Variants in ROR2 observed in about 807,000 individuals in gnomAD.
ROR2 encodes tyrosine-protein kinase transmembrane receptor ROR2.
A neutral mutation model predicts 74.9 loss-of-function variants in ROR2; 33 were observed. The observed-to-expected ratio is 0.44, with a 90% CI of 0.33 to 0.59. The LOEUF is 0.59. ROR2 is among the 20% of genes least tolerant of loss of function. The probability of loss-of-function intolerance (pLI) is 0.02; values close to 1 mark genes in which losing one functional copy is unlikely to be tolerated. For missense variants in ROR2, 1,216 were observed against 1,313.8 expected, an observed-to-expected ratio of 0.93 and a Z score of 1.15; for synonymous variants, 586 against 558.7, an observed-to-expected ratio of 1.05 and a Z score of -0.69.
At chr9:91,904,428 G>A (rs532992987) in intron 1 of ROR2, among the ~76,000 whole-genome samples, 67 of 152,318 alleles carry the variant, frequency 4.4e-4, no homozygotes, top group African/African-American at 1.6e-3. Flanking sequence ...AGTCCATAAA[G>A]GGCTGGAAGG....
At chr9:91,769,992 C>T (rs1431286210) in intron 2 of ROR2, among the ~76,000 whole-genome samples, 1 of 152,206 alleles carries the variant, frequency 6.6e-6, no homozygotes. Flanking sequence ...CGTGCCCATC[C>T]GAGTACCGCC....
rs76145413 is a variant in ROR2, at chr9:91,911,861, C to T, written c.97+38006G>A. Among the ~76,000 whole-genome samples the T allele has an allele frequency of 9.3e-4, 136 of 146,812 alleles. 1 individual carries two copies. The highest frequency in any genetic ancestry group is 3.2e-3 in the African/African-American group (125 of 39,578). ...TCCCCAGAAAAGGAACAGAGAAATT[C>T]ACGTGCTTCCTGCTACAACACAACA... On this transcript the variant is annotated intron_variant, in intron 1 of 8. Transcript: ENST00000375708.
Position 91,823,681 on chromosome 9 carries a change from A to G in ROR2, c.98-47863T>C, listed in dbSNP as rs73651561. On this transcript the variant is annotated intron_variant, in intron 1 of 8. Coordinates refer to ENST00000375708, the MANE Select transcript of ROR2 (RefSeq NM_004560.4). ...ATCAACAACCGCTGAATCTGGGTGG[A>G]GAGTTTATGTGTGTGTTTGCAGTAT... Among the ~76,000 whole-genome samples the G allele has an allele frequency of 4.4e-3, 672 of 152,344 alleles. 4 individuals are homozygous for G. The highest frequency in any genetic ancestry group is 0.015 in the African/African-American group (615 of 41,578).
intron 1 of ROR2, among the ~76,000 whole-genome samples, chr9:91,780,373 T>A (rs984785273): frequency 5.3e-5 from 6 of 113,232 alleles, no homozygotes; most frequent in Non-Finnish European, 8.3e-5. Flanking sequence ...CAAGACTCCG[T>A]CTAAAAAAAA....
intron 1 of ROR2, among the ~76,000 whole-genome samples, chr9:91,829,469 G>T (rs1478525522): frequency 3.5e-5 from 5 of 143,344 alleles, no homozygotes. Flanking sequence ...AGAATCACTT[G>T]AACCCAGAAG....
rs553112552 is a variant in ROR2, at chr9:91,749,684, A to T, written c.494+6387T>A. ...AGCCTATAAGCAGACCCCCATCTAT[A>T]GAAATTTCACACAGGACAGGGGTGA... On this transcript the variant is annotated intron_variant, in intron 4 of 8. Coordinates refer to ENST00000375708, the MANE Select transcript of ROR2 (RefSeq NM_004560.4). Among the ~76,000 whole-genome samples, 7 of 152,336 alleles carry T rather than the reference A, an allele frequency of 4.6e-5. No homozygotes were observed. The East Asian group carries it at 1.3e-3, about 29-fold the overall frequency.
intron 4 of ROR2, among the ~76,000 whole-genome samples, chr9:91,741,181 T>C (rs1001558530): frequency 2.6e-5 from 4 of 151,822 alleles, no homozygotes; most frequent in Non-Finnish European, 5.9e-5. Flanking sequence ...ACACCTGTAG[T>C]CCCAGCTACT....
intron 2 of ROR2, among the ~76,000 whole-genome samples, chr9:91,766,573 G>A (rs916083095): frequency 6.6e-6 from 1 of 152,210 alleles, no homozygotes; most frequent in African/African-American, 2.4e-5. Context: ...AAGCTCTCTA[G>A]AGATTAAGCA....
chr9:91,795,978 C>A (rs1037666480), intron 1 of ROR2, among the ~76,000 whole-genome samples: 2 of 151,984 alleles, frequency 1.3e-5, no homozygotes, highest in African/African-American at 4.8e-5. Context: ...GAAGATGAGA[C>A]CATGAAAAGA....
intron 1 of ROR2, among the ~76,000 whole-genome samples, chr9:91,840,530 T>C (rs920392526): frequency 1.3e-5 from 2 of 152,228 alleles, no homozygotes; most frequent in African/African-American, 4.8e-5. Context: ...CTCCCCTCTT[T>C]CAGGCCTGGG....
intron 1 of ROR2, among the ~76,000 whole-genome samples, chr9:91,809,167 A>T (rs10992118): frequency 0.21 from 32,309 of 152,036 alleles, 7,017 homozygotes; most frequent in African/African-American, 0.53. Flanking sequence ...GTCCCCAAAT[A>T]GTCTACAATG....
chr9:91,769,536 C>T (rs968718607), intron 2 of ROR2, among the ~76,000 whole-genome samples: 4 of 152,250 alleles, frequency 2.6e-5, no homozygotes, highest in South Asian at 2.1e-4. Flanking sequence ...GAATGAAACC[C>T]GAGTCTGACC....
intron 1 of ROR2, among the ~76,000 whole-genome samples, chr9:91,919,188 G>C (rs1039422824): frequency 1.3e-5 from 2 of 152,156 alleles, no homozygotes; most frequent in Non-Finnish European, 2.9e-5. Flanking sequence ...GCTTTTAAAT[G>C]GGCACTTAAT....
intron 1 of ROR2, among the ~76,000 whole-genome samples, chr9:91,810,664 C>G (rs1827720820): frequency 6.6e-6 from 1 of 152,208 alleles, no homozygotes; most frequent in South Asian, 2.1e-4. Context: ...TCGGCAGAGG[C>G]TGCATGCTCA....
Position 91,784,512 on chromosome 9 carries a change from G to A in ROR2, c.98-8694C>T, listed in dbSNP as rs10992103. Among the ~76,000 whole-genome samples the A allele has an allele frequency of 1.3e-4, 20 of 152,336 alleles. No individual in the cohort carries two copies. The East Asian group carries it at 1.9e-3, about 15-fold the overall frequency. ...ACACTAAGTTCAAAGGCAGGCAGAC[G>A]TCATCCGTGGTGATGGCAGTCAGAA... On this transcript the variant is annotated intron_variant, in intron 1 of 8. Transcript: ENST00000375708.
chr9:91,900,307 GCAGACGGCAGACGCAAGTCCTC>G (rs1283386770), intron 1 of ROR2, among the ~76,000 whole-genome samples: 39 of 152,108 alleles, frequency 2.6e-4, no homozygotes, highest in African/African-American at 9.4e-4. Context: ...TGCAGGAAGG[GCAGACGGCAGACGCAAGTCCTC>G]CAGCTGCCTC....
chr9:91,775,423 C>T (rs1455452433), intron 2 of ROR2, among the ~76,000 whole-genome samples: 1 of 152,130 alleles, frequency 6.6e-6, no homozygotes, highest in Non-Finnish European at 1.5e-5. Context: ...CTGAGACGTA[C>T]ACACACCTCT....
chr9:91,724,554 T>C lies in ROR2; in HGVS notation c.1940A>G (p.Lys647Arg), dbSNP rs369059394. 24 of 1,614,044 alleles carry C rather than the reference T, an allele frequency of 1.5e-5. No individual in the cohort carries two copies. In the African/African-American group the frequency reaches 3.2e-4, roughly 22 times the overall value. ...AGGCAGCAGCGAGTTCCCCAGCAGCTTGTAGTAATCGGCGGCATACACCTC... is the reference window on the plus strand; with the variant it reads ...AGGCAGCAGCGAGTTCCCCAGCAGCCTGTAGTAATCGGCGGCATACACCTC... Reference protein sequence around the residue: ...FREVYAADYYKLLGNSLLPIR... With the variant: ...FREVYAADYYRLLGNSLLPIR... Residue 647 changes from lysine (K) to arginine (R), a missense_variant, in exon 9 of 9, where the codon AAG (lysine) becomes AGG (arginine). Coordinates refer to ENST00000375708, the MANE Select transcript of ROR2 (RefSeq NM_004560.4).
rs1326262540 is a variant in ROR2 at position 91,791,817 on chromosome 9, GCCTTTAATACATTTAATACATAA to G, written c.98-16022_98-16000del. 5.2e-3 allele frequency among the ~76,000 whole-genome samples: 789 copies of G among 152,006 alleles called. 5 individuals are homozygous for G. Among genetic ancestry groups the G allele is most frequent in the African/African-American group, 0.016 (654 of 41,450 alleles). The stretch of plus-strand genomic sequence containing the variant: ...CATAAAACATTCTCCAAGATACTAG[GCCTTTAATACATTTAATACATAA>G]CCTTTAATACATTTAATACATAACC... On this transcript the variant is annotated intron_variant, in intron 1 of 8. Coordinates refer to ENST00000375708, the MANE Select transcript of ROR2 (RefSeq NM_004560.4).
Sources: gnomAD v4.1 joint callset for allele counts (sites outside exome capture counted in the v4.1 genomes callset) on GRCh38, gnomAD v4.1.1 for gene constraint, MANE v1.5 for transcripts, NCBI Gene and HGNC (gene_info 2026-07-23, HGNC 2026-07-21) for gene names.